Variants in HS6ST3 observed in about 807,000 individuals in gnomAD.
The protein encoded by HS6ST3 is heparan sulfate 6-O-sulfotransferase 3.
Under a neutral mutation model 36.7 loss-of-function variants are expected in HS6ST3, and 12 were observed. That is an observed-to-expected ratio of 0.33 (90% confidence interval 0.21 to 0.53). The LOEUF (loss-of-function observed/expected upper bound fraction) is 0.53, where lower values mean the gene tolerates loss of function less well. HS6ST3 is among the 20% of genes least tolerant of loss of function. The probability of loss-of-function intolerance (pLI) is 0.95; values close to 1 mark genes in which losing one functional copy is unlikely to be tolerated. For synonymous variants in HS6ST3, 240 were observed against 257.5 expected (o/e 0.93, Z 0.65); for missense variants, 584 against 640.9 (o/e 0.91, Z 0.96).
At chr13:96,769,328 G>T (rs934166665) in intron 1 of HS6ST3, among the ~76,000 whole-genome samples, 3 of 151,706 alleles carry the variant, frequency 2.0e-5, no homozygotes, top group Admixed American at 6.6e-5. Context: ...TAAGTTTTAG[G>T]GTACATGTGC....
intron 1 of HS6ST3, among the ~76,000 whole-genome samples, chr13:96,302,407 G>T (rs2054888021): frequency 6.6e-6 from 1 of 152,158 alleles, no homozygotes; most frequent in African/African-American, 2.4e-5. Flanking sequence ...TAGCCTTGAA[G>T]ATTACTTAAG....
intron 1 of HS6ST3, among the ~76,000 whole-genome samples, chr13:96,459,266 A>G (rs963199068): frequency 4.6e-5 from 7 of 152,078 alleles, no homozygotes; most frequent in African/African-American, 1.4e-4. Flanking sequence ...TAAATAATGA[A>G]GAAAAAATAA....
chr13:96,186,456 T>A (rs2139343079), intron 1 of HS6ST3, among the ~76,000 whole-genome samples: 1 of 152,348 alleles, frequency 6.6e-6, no homozygotes, highest in Middle Eastern at 3.4e-3. Context: ...GTTTAAACTC[T>A]GACTTTACAT....
intron 1 of HS6ST3, among the ~76,000 whole-genome samples, chr13:96,174,399 T>G (rs982038697): frequency 6.6e-6 from 1 of 152,168 alleles, no homozygotes; most frequent in African/African-American, 2.4e-5. Flanking sequence ...TTTTTAGGTA[T>G]TTAATTAATT....
chr13:96,632,911 AT>A (rs1483693381), intron 1 of HS6ST3, among the ~76,000 whole-genome samples: 2 of 152,202 alleles, frequency 1.3e-5, no homozygotes, highest in African/African-American at 2.4e-5. Context: ...AAATCTGGGA[AT>A]ATGTGAGTGA....
intron 1 of HS6ST3, among the ~76,000 whole-genome samples, chr13:96,276,894 A>G (rs1426370434): frequency 1.3e-5 from 2 of 152,162 alleles, no homozygotes; most frequent in Admixed American, 1.3e-4. Flanking sequence ...CCACGCTACC[A>G]AGATACTGCA....
intron 1 of HS6ST3, among the ~76,000 whole-genome samples, chr13:96,141,852 C>A (rs141885377): frequency 3.9e-5 from 6 of 151,990 alleles, no homozygotes; most frequent in Admixed American, 1.3e-4. Flanking sequence ...AGAGAGAGAA[C>A]GTCATGAAAG....
intron 1 of HS6ST3, among the ~76,000 whole-genome samples, chr13:96,824,962 A>G (rs1371993595): frequency 6.6e-6 from 1 of 152,222 alleles, no homozygotes; most frequent in Non-Finnish European, 1.5e-5. Flanking sequence ...TAAAGCCTGT[A>G]TAAGTCAGAC....
chr13:96,279,766 G>A (rs759349618), intron 1 of HS6ST3, among the ~76,000 whole-genome samples: 1 of 152,090 alleles, frequency 6.6e-6, no homozygotes, highest in Non-Finnish European at 1.5e-5. Context: ...TTAGCATTCA[G>A]TCAACCTGCT....
chr13:96,189,755 G>A (rs529805327), intron 1 of HS6ST3, among the ~76,000 whole-genome samples: 3 of 152,292 alleles, frequency 2.0e-5, no homozygotes, highest in Admixed American at 1.3e-4. Context: ...TAGACTGAAA[G>A]GAGCCACTCC....
At chr13:96,221,472 A>G (rs2054455141) in intron 1 of HS6ST3, among the ~76,000 whole-genome samples, 1 of 152,148 alleles carries the variant, frequency 6.6e-6, no homozygotes, top group Non-Finnish European at 1.5e-5. Context: ...GTAGCTTCCA[A>G]TAAATATTTT....
chr13:96,712,981 T>C (rs1436034522), intron 1 of HS6ST3, among the ~76,000 whole-genome samples: 2 of 152,208 alleles, frequency 1.3e-5, no homozygotes, highest in Admixed American at 1.3e-4. Context: ...AAATGACTCC[T>C]ACTGAGTAAC....
intron 1 of HS6ST3, among the ~76,000 whole-genome samples, chr13:96,794,392 A>C (rs543180168): frequency 6.6e-6 from 1 of 152,206 alleles, no homozygotes; most frequent in South Asian, 2.1e-4. Flanking sequence ...CTGACTTGAG[A>C]AATTTACAGT....
intron 1 of HS6ST3, among the ~76,000 whole-genome samples, chr13:96,346,656 A>T (rs1225085286): frequency 6.6e-6 from 1 of 152,122 alleles, no homozygotes; most frequent in African/African-American, 2.4e-5. Flanking sequence ...CTGCTAGAGA[A>T]TTGGAAATGT....
chr13:96,225,433 G>A (rs912871062), intron 1 of HS6ST3, among the ~76,000 whole-genome samples: 4 of 152,124 alleles, frequency 2.6e-5, no homozygotes, highest in African/African-American at 9.7e-5. Context: ...TCCCCAAAGG[G>A]GAACATTTTT....
chr13:96,323,458 C>T (rs567284111), intron 1 of HS6ST3, among the ~76,000 whole-genome samples: 9 of 152,316 alleles, frequency 5.9e-5, no homozygotes, highest in African/African-American at 2.2e-4. Context: ...ACAGGTCTTC[C>T]TAACTGCCCT....
At chr13:96,140,115 C>T (rs544125402) in intron 1 of HS6ST3, among the ~76,000 whole-genome samples, 14 of 151,936 alleles carry the variant, frequency 9.2e-5, no homozygotes, top group Admixed American at 1.3e-4. Context: ...TTTTATTATA[C>T]GCTAACCATA....
intron 1 of HS6ST3, among the ~76,000 whole-genome samples, chr13:96,411,313 A>G (rs2055506275): frequency 6.6e-6 from 1 of 152,190 alleles, no homozygotes; most frequent in African/African-American, 2.4e-5. Context: ...GTGGCTGCAG[A>G]GGAGAGAGCA....
At chr13:96,370,820 C>T (rs962793482) in intron 1 of HS6ST3, among the ~76,000 whole-genome samples, 4 of 152,076 alleles carry the variant, frequency 2.6e-5, no homozygotes, top group African/African-American at 9.7e-5. Flanking sequence ...TCGCTTGAAC[C>T]CCTGGAAATG....
Sources: gnomAD v4.1 joint callset for allele counts (sites outside exome capture counted in the v4.1 genomes callset) on GRCh38, gnomAD v4.1.1 for gene constraint, MANE v1.5 for transcripts, NCBI Gene and HGNC (gene_info 2026-07-23, HGNC 2026-07-21) for gene names.